Variants in SOX6 observed in about 807,000 individuals in gnomAD.
SOX6 encodes the protein SRY-box transcription factor 6.
In SOX6, 11 loss-of-function variants were observed where a neutral mutation model predicts 97.8. The ratio of observed to expected loss-of-function variants is 0.11; its 90% CI spans 0.07 to 0.19. SOX6 has a LOEUF of 0.19. Among genes scored for constraint, SOX6 ranks in the 10% least tolerant of loss-of-function variants. SOX6 has a pLI of 1.00. For synonymous variants in SOX6, 360 were observed against 371.4 expected (o/e 0.97, Z 0.35); for missense variants, 810 against 1,039.5 (o/e 0.78, Z 3.04).
intron 3 of SOX6, among the ~76,000 whole-genome samples, chr11:16,648,001 CA>C (rs1380792746): frequency 6.6e-6 from 1 of 152,008 alleles, no homozygotes; most frequent in Non-Finnish European, 1.5e-5. Context: ...CAACTGGGCA[CA>C]AATTTTCTTG....
intron 3 of SOX6, among the ~76,000 whole-genome samples, chr11:16,612,670 G>A (rs535013376): frequency 6.6e-6 from 1 of 152,216 alleles, no homozygotes; most frequent in South Asian, 2.1e-4. Context: ...CCCAAAGGCA[G>A]CGTGGAGCGG....
chr11:15,993,636 T>A (rs577704994), intron 13 of SOX6, among the ~76,000 whole-genome samples: 1 of 152,184 alleles, frequency 6.6e-6, no homozygotes, highest in Non-Finnish European at 1.5e-5. Context: ...GGCTGCTCTG[T>A]ACAACTTCCC....
chr11:16,416,517 C>G (rs1858929164), intron 1 of SOX6, among the ~76,000 whole-genome samples: 1 of 152,120 alleles, frequency 6.6e-6, no homozygotes, highest in Admixed American at 6.6e-5. Context: ...TTTGTACCAG[C>G]TAAAAAGTAA....
chr11:16,548,310 T>C (rs1234656089), intron 4 of SOX6, among the ~76,000 whole-genome samples: 2 of 152,136 alleles, frequency 1.3e-5, no homozygotes, highest in Non-Finnish European at 2.9e-5. Flanking sequence ...AGAATGGCAA[T>C]GTAGATTTAT....
chr11:16,456,022 A>T (rs1246536821), intron 1 of SOX6, among the ~76,000 whole-genome samples: 1 of 152,116 alleles, frequency 6.6e-6, no homozygotes, highest in Non-Finnish European at 1.5e-5. Flanking sequence ...AATGTGATAT[A>T]AAAATTCTTA....
At chr11:16,269,941 T>C (rs1854201451) in intron 3 of SOX6, 1 of 151,340 alleles carries the variant, frequency 6.6e-6, no homozygotes, top group South Asian at 2.1e-4. Context: ...CATTGGCTAA[T>C]ACCTTCAGAA....
At chr11:16,733,594 G>A (rs1848368003) in intron 2 of SOX6, among the ~76,000 whole-genome samples, 1 of 151,530 alleles carries the variant, frequency 6.6e-6, no homozygotes. Context: ...GGGGGCTAGG[G>A]GAGGGATAGC....
chr11:16,092,596 T>C (rs1043018343), intron 9 of SOX6, among the ~76,000 whole-genome samples: 1 of 151,948 alleles, frequency 6.6e-6, no homozygotes, highest in Non-Finnish European at 1.5e-5. Flanking sequence ...CATGGAGATA[T>C]TTTAATTAGA....
chr11:16,443,674 C>G (rs1859554019), intron 1 of SOX6, among the ~76,000 whole-genome samples: 2 of 151,976 alleles, frequency 1.3e-5, no homozygotes, highest in Admixed American at 1.3e-4. Flanking sequence ...TCTTGCTACC[C>G]TGATAGTGAG....
At chr11:16,242,928 CTCT>C (rs949283870) in intron 3 of SOX6, among the ~76,000 whole-genome samples, 3 of 151,850 alleles carry the variant, frequency 2.0e-5, no homozygotes, top group African/African-American at 7.2e-5. Context: ...TTACTTGAAA[CTCT>C]TCTTTTTGTC....
rs1335650837 is a variant in SOX6, at chr11:16,055,653, T to C, written c.1251+99A>G. 10 of 1,470,202 alleles carry C rather than the reference T, an allele frequency of 6.8e-6. No homozygotes were observed. In the East Asian group the frequency reaches 2.1e-4, roughly 30 times the overall value. The allele number at this position is 1,470,202 out of a possible 1,614,324, so 91.1% of individuals were successfully genotyped here. A position where few individuals can be genotyped will look rare whatever the true frequency, so the allele number is the denominator to read the frequency against. The stretch of plus-strand genomic sequence containing the variant: ...ACATTTTGGGGTTGCTTTATGTTGC[T>C]ATGTTTCCTGCTGTTTATGCCCAAC... On this transcript the variant is annotated intron_variant, in intron 10 of 15. Transcript: ENST00000683767.
intron 1 of SOX6, among the ~76,000 whole-genome samples, chr11:16,425,151 T>C (rs1307292376): frequency 2.6e-5 from 4 of 152,234 alleles, no homozygotes; most frequent in African/African-American, 9.6e-5. Flanking sequence ...CTTTAGCATT[T>C]CTTTTTCTTC....
At chr11:16,572,801 T>C (rs186208998) in intron 4 of SOX6, among the ~76,000 whole-genome samples, 148 of 152,282 alleles carry the variant, frequency 9.7e-4, no homozygotes, top group Non-Finnish European at 1.9e-3. Context: ...TCATAATGTC[T>C]TTCTGGAAAT....
chr11:16,188,878 T>G (rs1851555049), intron 4 of SOX6, among the ~76,000 whole-genome samples: 1 of 151,858 alleles, frequency 6.6e-6, no homozygotes. Flanking sequence ...GCCTGACCAA[T>G]ACGGTGAATC....
chr11:16,514,323 T>C (rs1185797756), intron 4 of SOX6, among the ~76,000 whole-genome samples: 1 of 151,992 alleles, frequency 6.6e-6, no homozygotes, highest in Non-Finnish European at 1.5e-5. Flanking sequence ...GTGATATCTA[T>C]GCAGTTATTT....
chr11:16,365,435 T>C (rs776797596), intron 1 of SOX6, among the ~76,000 whole-genome samples: 5 of 151,996 alleles, frequency 3.3e-5, no homozygotes, highest in Admixed American at 6.6e-5. Context: ...CATTGCACCA[T>C]GTAAACAATT....
At chr11:16,429,656 A>G (rs1184586669) in intron 1 of SOX6, among the ~76,000 whole-genome samples, 1 of 152,036 alleles carries the variant, frequency 6.6e-6, no homozygotes, top group Admixed American at 6.6e-5. Flanking sequence ...GAGGGGAACA[A>G]CACACACTGG....
At chr11:16,329,442 C>A (rs1414230092) in intron 2 of SOX6, among the ~76,000 whole-genome samples, 1 of 152,132 alleles carries the variant, frequency 6.6e-6, no homozygotes, top group Non-Finnish European at 1.5e-5. Context: ...TCCAATTGTT[C>A]AATCCCATCT....
intron 2 of SOX6, among the ~76,000 whole-genome samples, chr11:16,335,284 C>G (rs555705308): frequency 3.3e-5 from 5 of 152,250 alleles, no homozygotes; most frequent in African/African-American, 1.2e-4. Flanking sequence ...TTGAACTTTA[C>G]TAAAATTGAA....
Sources: gnomAD v4.1 joint callset for allele counts (sites outside exome capture counted in the v4.1 genomes callset) on GRCh38, gnomAD v4.1.1 for gene constraint, MANE v1.5 for transcripts, NCBI Gene and HGNC (gene_info 2026-07-23, HGNC 2026-07-21) for gene names.